C6orf136: variants seen among roughly 807,000 people sequenced by gnomAD.
The protein encoded by C6orf136 is chromosome 6 open reading frame 136, also known as uncharacterized protein C6orf136.
C6orf136 carries 29 observed loss-of-function variants against 44.0 expected under a neutral mutation model. That is an observed-to-expected ratio of 0.66 (90% confidence interval 0.49 to 0.90). C6orf136 has a LOEUF of 0.90. Ranked by LOEUF, C6orf136 falls within the 40% of genes least tolerant of loss-of-function variation. C6orf136 has a pLI of 0.00. For synonymous variants in C6orf136, 293 were observed against 278.6 expected, an observed-to-expected ratio of 1.05 and a Z score of -0.52; for missense variants, 628 against 669.3, an observed-to-expected ratio of 0.94 and a Z score of 0.68.
rs1213036921 is a variant in C6orf136 at position 30,649,577 on chromosome 6, C to G, written c.635C>G (p.Thr212Ser). Reference protein sequence around the residue: ...SGTEDQLYPGTLPFPPLWPHS... With the variant: ...SGTEDQLYPGSLPFPPLWPHS... ...CCTTAGGACCAGCTTTATCCAGGGA[C>G]TCTACCATTCCCACCCCTTTGGCCC... The change falls in exon 2 of 6, where the codon ACT (threonine) becomes AGT (serine). Residue 212 changes from threonine to serine, a missense_variant. This residue lies in a region of C6orf136 where 497 missense variants were observed against 469.2 expected (regional missense o/e 1.06). Transcript: ENST00000651131. 6.3e-7 allele frequency: 1 copy of G among 1,584,566 alleles called. No individual in the cohort carries two copies. Among genetic ancestry groups the G allele is most frequent in the South Asian group, 1.2e-5 (1 of 85,770 alleles).
At chr6:30,650,651 TG>T (rs1355167968) in intron 2 of C6orf136, among the ~76,000 whole-genome samples, 11 of 151,326 alleles carry the variant, frequency 7.3e-5, no homozygotes, top group Admixed American at 7.2e-4. Flanking sequence ...GGCATGGTGG[TG>T]GGTGCCTGTA....
intron 2 of C6orf136, among the ~76,000 whole-genome samples, chr6:30,650,388 A>G (rs1406052250): frequency 6.9e-6 from 1 of 145,776 alleles, no homozygotes; most frequent in African/African-American, 2.5e-5. Context: ...CTCCGTCTCA[A>G]AAAAAAAAAA....
At position 30,653,017 on chromosome 6, in the gene C6orf136, C is replaced by T; in HGVS notation, c.*102C>T. On this transcript the variant is annotated 3_prime_UTR_variant, in exon 6 of 6. Transcript: ENST00000651131. ...AGGAGCCAGCTTCCTCTCCTCGTTT[C>T]TCTCCTTCCTTCCTTTCCATCTCAT... 8.4e-7 allele frequency: 1 copy of T among 1,189,782 alleles called. No homozygotes were observed. The highest frequency in any genetic ancestry group is 2.0e-5 in the Admixed American group (1 of 49,332). The allele number at this position is 1,189,782 out of a possible 1,614,324, so 73.7% of individuals were successfully genotyped here. A position where few individuals can be genotyped will look rare whatever the true frequency, so the allele number is the denominator to read the frequency against.
chr6:30,651,470 A>G lies in C6orf136; in HGVS notation c.1307+4A>G. The G allele has an allele frequency of 6.2e-6, 10 of 1,605,132 alleles. No individual in the cohort carries two copies. Among genetic ancestry groups the G allele is most frequent in the African/African-American group, 1.3e-5 (1 of 74,864 alleles). Reference sequence around the variant, plus strand: ...GTGACAAAGACGAGCATTACCGGTAAGAGAGAAATGAGAAAGGACCCAAAC... The same window carrying G: ...GTGACAAAGACGAGCATTACCGGTAGGAGAGAAATGAGAAAGGACCCAAAC... On this transcript the variant is annotated splice_donor_region_variant and intron_variant, in intron 4 of 5. Transcript: ENST00000651131.
Position 30,653,059 on chromosome 6 carries a change from G to T in C6orf136, c.*144G>T. 9.5e-7 allele frequency: 1 copy of T among 1,057,280 alleles called. No individual in the cohort carries two copies. Among genetic ancestry groups the T allele is most frequent in the Non-Finnish European group, 1.4e-6 (1 of 736,680 alleles). The allele number at this position is 1,057,280 out of a possible 1,614,324, so 65.5% of individuals were successfully genotyped here. ...CCATCTCATGCTGTGTAAAGCTGCTGTGTAATTTAACTTGTAAATAATAAA... is the reference window on the plus strand; with the variant it reads ...CCATCTCATGCTGTGTAAAGCTGCTTTGTAATTTAACTTGTAAATAATAAA... On this transcript the variant is annotated 3_prime_UTR_variant, in exon 6 of 6. Transcript: ENST00000651131.
intron 2 of C6orf136, 22 bp downstream of exon 2, chr6:30,649,981 C>T (rs759666928): frequency 2.3e-5 from 37 of 1,606,408 alleles, no homozygotes; most frequent in Non-Finnish European, 3.1e-5. Flanking sequence ...CAAAAGTGGC[C>T]TTCGTCTACA....
Position 30,649,608 on chromosome 6 carries a change from C to T in C6orf136, c.666C>T (p.Ser222=), listed in dbSNP as rs1463410787. 1.9e-6 allele frequency: 3 copies of T among 1,596,276 alleles called. No individual in the cohort carries two copies. The highest frequency in any genetic ancestry group is 2.3e-5 in the South Asian group (2 of 88,104). ...CATTCCCACCCCTTTGGCCCCACTCCACGACAACCACTTCCCCATCTTCTC... is the reference window on the plus strand; with the variant it reads ...CATTCCCACCCCTTTGGCCCCACTCTACGACAACCACTTCCCCATCTTCTC... ...TLPFPPLWPH[S]TTTTSPSSPL... is the part of the protein sequence containing the mutation. Residue 222 remains serine, a synonymous_variant, in exon 2 of 6, where the codon TCC becomes TCT. Transcript: ENST00000651131.
rs911266505 is a variant in C6orf136, at chr6:30,648,398, T to G, written c.615+552T>G. Among the ~76,000 whole-genome samples the G allele has an allele frequency of 3.3e-4, 49 of 150,254 alleles. No individual in the cohort carries two copies. In the South Asian group the frequency reaches 6.7e-3, roughly 21 times the overall value. ...GGTGAAACTGCCCCCAGTGTTGGAA[T>G]CTTTTTTTTTTTTTTTTTGAAATGG... On this transcript the variant is annotated intron_variant, in intron 1 of 5. Coordinates refer to ENST00000651131, the MANE Select transcript of C6orf136 (RefSeq NM_001161376.2).
chr6:30,651,127 C>G, intron 3 of C6orf136, 45 bp downstream of exon 3: 1 of 1,577,398 alleles, frequency 6.3e-7, no homozygotes. Flanking sequence ...GAAAAGCACC[C>G]AAAGGTATAT....
Position 30,649,745 on chromosome 6 carries a change from C to G in C6orf136, c.803C>G (p.Pro268Arg). The G allele has an allele frequency of 6.2e-7, 1 of 1,613,978 alleles. No homozygotes were observed. Among genetic ancestry groups the G allele is most frequent in the Non-Finnish European group, 8.5e-7 (1 of 1,179,930 alleles). ...QALSSAWVVL[P>R]PGKGEEGPGP... Reference sequence around the variant, plus strand: ...CTCAGCTCAGCATGGGTGGTTCTCCCTCCAGGAAAGGGGGAGGAGGGACCA... The same window carrying G: ...CTCAGCTCAGCATGGGTGGTTCTCCGTCCAGGAAAGGGGGAGGAGGGACCA... Residue 268 changes from proline (P) to arginine (R), a missense_variant, in exon 2 of 6, where the codon CCT becomes CGT. By Grantham distance (103) the Pro-to-Arg change is moderately radical (BLOSUM62 -2). This residue lies in a region of C6orf136 where 497 missense variants were observed against 469.2 expected (regional missense o/e 1.06). Coordinates refer to ENST00000651131, the MANE Select transcript of C6orf136 (RefSeq NM_001161376.2).
Position 30,650,978 on chromosome 6 carries a change from A to G in C6orf136, c.1018-16A>G. ...TTTTCTTTCCCACTGGGTTGATGCC[A>G]TCTTCTTCCACCTAGCTTCCCAAGC... On this transcript the variant is annotated splice_polypyrimidine_tract_variant and intron_variant, in intron 2 of 5. Transcript: ENST00000651131. 1.9e-6 allele frequency: 3 copies of G among 1,591,646 alleles called. No individual in the cohort carries two copies. Among genetic ancestry groups the G allele is most frequent in the African/African-American group, 1.3e-5 (1 of 74,442 alleles).
Position 30,652,776 on chromosome 6 carries a change from A to C in C6orf136, c.1378-26A>C, listed in dbSNP as rs767335754. 2.0e-5 allele frequency: 32 copies of C among 1,611,604 alleles called. 1 individual carries two copies. In the East Asian group the frequency reaches 6.0e-4, roughly 30 times the overall value. Reference sequence around the variant, plus strand: ...GTAGAACATTTGTGTGCCTCCCCCAACTGGCATTAACCTTTCTCCCTGCAG... The same window carrying C: ...GTAGAACATTTGTGTGCCTCCCCCACCTGGCATTAACCTTTCTCCCTGCAG... On this transcript the variant is annotated intron_variant, in intron 5 of 5. Transcript: ENST00000651131.
Position 30,652,957 on chromosome 6 carries a change from C to T in C6orf136, c.*42C>T. ...GGAGGCAGCACTGAAGACTGCTACG[C>T]CCAAGAGAAGGAGGTGGAGGCAGCC... On this transcript the variant is annotated 3_prime_UTR_variant, in exon 6 of 6. Transcript: ENST00000651131. 1 of 1,551,522 alleles carries T rather than the reference C, an allele frequency of 6.4e-7. No individual in the cohort carries two copies. The highest frequency in any genetic ancestry group is 8.9e-7 in the Non-Finnish European group (1 of 1,126,004).
chr6:30,649,141 G>T (rs1767170478), intron 1 of C6orf136, among the ~76,000 whole-genome samples: 1 of 152,178 alleles, frequency 6.6e-6, no homozygotes, highest in African/African-American at 2.4e-5. Flanking sequence ...GAGGCGGGTG[G>T]ATCACGAGGT....
chr6:30,649,934 T>A lies in C6orf136; in HGVS notation c.992T>A (p.Val331Asp), dbSNP rs748965838. The A allele has an allele frequency of 6.2e-6, 10 of 1,613,514 alleles. No individual in the cohort carries two copies. The highest frequency in any genetic ancestry group is 8.5e-6 in the Non-Finnish European group (10 of 1,179,952). The change falls in exon 2 of 6, where the codon GTC becomes GAC. Residue 331 changes from valine (V) to aspartate (D), a missense_variant. Val to Asp is a radical substitution (Grantham distance 152). Coordinates refer to ENST00000651131, the MANE Select transcript of C6orf136 (RefSeq NM_001161376.2). ...CCTAGTATGGAGGAACATCTGTCTG[T>A]CATGTATGAGAGACTGAGACAAGAG... The part of the protein sequence containing the change: ...GDPSMEEHLS[V>D]MYERLRQELP...
intron 2 of C6orf136, 107 bp downstream of exon 2, chr6:30,650,066 C>T: frequency 1.0e-6 from 1 of 993,024 alleles, no homozygotes; most frequent in Non-Finnish European, 1.5e-6. Context: ...ATGAGGCAGG[C>T]ATAGAAATAT....
intron 2 of C6orf136, among the ~76,000 whole-genome samples, chr6:30,650,612 G>A (rs1484372059): frequency 2.0e-5 from 3 of 151,516 alleles, no homozygotes; most frequent in Non-Finnish European, 4.4e-5. Flanking sequence ...GTGAAACCCC[G>A]TCTCTACTAA....
In C6orf136 at chr6:30,653,039, T is replaced by C. The variant is rs933032206; in HGVS notation, c.*124T>C. On this transcript the variant is annotated 3_prime_UTR_variant, in exon 6 of 6. Coordinates refer to ENST00000651131, the MANE Select transcript of C6orf136 (RefSeq NM_001161376.2). ...TTTCTCTCCTTCCTTCCTTTCCATC[T>C]CATGCTGTGTAAAGCTGCTGTGTAA... 18 of 1,106,488 alleles carry C rather than the reference T, an allele frequency of 1.6e-5. No homozygotes were observed. In the African/African-American group the frequency reaches 2.7e-4, roughly 16 times the overall value. The allele number at this position is 1,106,488 out of a possible 1,614,324, so 68.5% of individuals were successfully genotyped here. A position where few individuals can be genotyped will look rare whatever the true frequency, so the allele number is the denominator to read the frequency against.
chr6:30,647,248 G>A lies in C6orf136; in HGVS notation c.17G>A (p.Arg6Gln), dbSNP rs916987542. The change falls in exon 1 of 6, where the codon CGG (arginine) becomes CAG (glutamine). Residue 6 changes from arginine (R) to glutamine (Q), a missense_variant. Around this residue, in one of 2 missense-constraint regions of C6orf136, gnomAD observed 497 missense variants for 469.2 expected, o/e 1.06. Coordinates refer to ENST00000651131, the MANE Select transcript of C6orf136 (RefSeq NM_001161376.2). The surrounding 1 kb of genome is among the most constrained non-coding windows in gnomAD (Gnocchi z 4.8). Reference sequence around the variant, plus strand: ...CGGAAGATCATGTACCAGCCCAGCCGGGGTGCGGCCCGGCGTCTCGGCCCT... The same window carrying A: ...CGGAAGATCATGTACCAGCCCAGCCAGGGTGCGGCCCGGCGTCTCGGCCCT... MYQPS[R>Q]GAARRLGPCL... 1.9e-6 allele frequency: 3 copies of A among 1,595,698 alleles called. No individual in the cohort carries two copies. The highest frequency in any genetic ancestry group is 2.6e-6 in the Non-Finnish European group (3 of 1,173,922).
Sources: gnomAD v4.1 joint callset for allele counts (sites outside exome capture counted in the v4.1 genomes callset) on GRCh38, gnomAD v4.1.1 for gene constraint, gnomAD v4.1.1 regional missense constraint, Gnocchi (gnomAD v3.1) non-coding constraint, MANE v1.5 for transcripts, NCBI Gene and HGNC (gene_info 2026-07-23, HGNC 2026-07-21) for gene names.